Variants in RBFOX1 observed in about 807,000 individuals in gnomAD.
RBFOX1 encodes RNA binding protein fox-1 homolog 1.
RBFOX1 carries 8 observed loss-of-function variants against 57.7 expected under a neutral mutation model. That is an observed-to-expected ratio of 0.14 (90% confidence interval 0.08 to 0.25). The LOEUF (loss-of-function observed/expected upper bound fraction) is 0.25, where lower values mean the gene tolerates loss of function less well. RBFOX1 is among the 10% of genes least tolerant of loss of function. RBFOX1 has a pLI of 1.00. For missense variants in RBFOX1, 611 were observed against 548.5 expected, an observed-to-expected ratio of 1.11 and a Z score of -1.14; for synonymous variants, 326 against 222.4, an observed-to-expected ratio of 1.47 and a Z score of -4.15.
intron 3 of RBFOX1, among the ~76,000 whole-genome samples, chr16:7,027,016 C>T (rs116295224): frequency 0.018 from 2,785 of 152,224 alleles, 79 homozygotes; most frequent in African/African-American, 0.059. Flanking sequence ...GCTGCAGCCA[C>T]AGCCCACACA....
intron 1 of RBFOX1, among the ~76,000 whole-genome samples, chr16:5,346,341 T>A (rs2065138754): frequency 6.6e-6 from 1 of 152,118 alleles, no homozygotes; most frequent in Non-Finnish European, 1.5e-5. Flanking sequence ...AATGTCACAT[T>A]TAAATCATCA....
chr16:7,055,371 A>C (rs1252338802), intron 4 of RBFOX1, among the ~76,000 whole-genome samples: 1 of 152,150 alleles, frequency 6.6e-6, no homozygotes, highest in Non-Finnish European at 1.5e-5. Flanking sequence ...TACAAAAATA[A>C]ATAACTCTCC....
chr16:5,673,522 C>T (rs74004473), intron 3 of RBFOX1, among the ~76,000 whole-genome samples: 4,540 of 152,320 alleles, frequency 0.03, 244 homozygotes, highest in African/African-American at 0.1. Flanking sequence ...TCTCGCTTGG[C>T]ACCTAAAGGT....
chr16:5,942,441 A>G, intron 4 of RBFOX1, among the ~76,000 whole-genome samples: 1 of 152,214 alleles, frequency 6.6e-6, no homozygotes, highest in Non-Finnish European at 1.5e-5. Context: ...CAAAACTCTG[A>G]AAAGATATCT....
At chr16:6,651,086 G>A (rs763357505) in intron 2 of RBFOX1, among the ~76,000 whole-genome samples, 1 of 152,158 alleles carries the variant, frequency 6.6e-6, no homozygotes, top group African/African-American at 2.4e-5. Context: ...ATGTTTAGTG[G>A]AGATGGAGTT....
intron 1 of RBFOX1, among the ~76,000 whole-genome samples, chr16:6,261,250 A>T (rs1363754738): frequency 6.6e-6 from 1 of 152,214 alleles, no homozygotes; most frequent in East Asian, 1.9e-4. Flanking sequence ...AAAAGCAGAA[A>T]AGTCCTGGCA....
intron 1 of RBFOX1, among the ~76,000 whole-genome samples, chr16:6,098,656 G>C (rs995739781): frequency 1.3e-5 from 2 of 152,222 alleles, no homozygotes; most frequent in Non-Finnish European, 2.9e-5. Flanking sequence ...TGCCTTCAGA[G>C]TTTATACATT....
intron 4 of RBFOX1, among the ~76,000 whole-genome samples, chr16:7,164,647 A>C (rs1567530647): frequency 6.6e-6 from 1 of 152,188 alleles, no homozygotes; most frequent in Non-Finnish European, 1.5e-5. Context: ...CACACACACA[A>C]ATACAAACAC....
intron 3 of RBFOX1, among the ~76,000 whole-genome samples, chr16:6,697,521 T>A (rs932491881): frequency 1.3e-5 from 2 of 152,200 alleles, no homozygotes; most frequent in African/African-American, 4.8e-5. Context: ...CTTATAAATC[T>A]GCTTTCCATT....
intron 4 of RBFOX1, among the ~76,000 whole-genome samples, chr16:5,955,283 C>CAATAA (rs1168606127): frequency 4.5e-5 from 5 of 111,592 alleles, no homozygotes; most frequent in African/African-American, 1.5e-4. Context: ...CTCTGTCTCC[C>CAATAA]AATAAAATAA....
At chr16:5,255,322 T>TTCCA (rs3041858) in intron 1 of RBFOX1, among the ~76,000 whole-genome samples, 41,314 of 119,252 alleles carry the variant, frequency 0.35, 6,533 homozygotes, top group South Asian at 0.5. Flanking sequence ...CCACACTTCC[T>TTCCA]TCCATCCATC....
At chr16:7,658,261 A>G (rs2066817779) in intron 12 of RBFOX1, among the ~76,000 whole-genome samples, 1 of 152,016 alleles carries the variant, frequency 6.6e-6, no homozygotes, top group African/African-American at 2.4e-5. Flanking sequence ...TCTATGCATT[A>G]TTTATCTTTG....
intron 4 of RBFOX1, among the ~76,000 whole-genome samples, chr16:7,369,886 G>A (rs1596640115): frequency 6.6e-6 from 1 of 152,170 alleles, no homozygotes; most frequent in Non-Finnish European, 1.5e-5. Flanking sequence ...AAACAGCAAG[G>A]CTTATCCCCA....
At chr16:7,461,153 A>G (rs566482046) in intron 4 of RBFOX1, among the ~76,000 whole-genome samples, 23 of 152,032 alleles carry the variant, frequency 1.5e-4, no homozygotes, top group African/African-American at 5.5e-4. Context: ...TTGACTGAGG[A>G]TGAAAAAACA....
intron 4 of RBFOX1, among the ~76,000 whole-genome samples, chr16:7,174,831 C>T (rs1055827145): frequency 2.0e-5 from 3 of 152,102 alleles, no homozygotes; most frequent in East Asian, 1.9e-4. Context: ...TTTTCCAAAG[C>T]GGTTGCGTTA....
intron 2 of RBFOX1, among the ~76,000 whole-genome samples, chr16:6,330,346 C>T (rs913187218): frequency 1.3e-5 from 2 of 152,194 alleles, no homozygotes; most frequent in African/African-American, 4.8e-5. Flanking sequence ...GGTTTCACAC[C>T]TGCACAAAGG....
intron 2 of RBFOX1, among the ~76,000 whole-genome samples, chr16:5,540,574 G>T (rs1038893388): frequency 2.0e-4 from 31 of 152,118 alleles, no homozygotes; most frequent in African/African-American, 7.5e-4. Flanking sequence ...GATCTTTAGT[G>T]GTATTTCTCA....
At chr16:5,508,107 A>G (rs2043441922) in intron 2 of RBFOX1, among the ~76,000 whole-genome samples, 1 of 152,212 alleles carries the variant, frequency 6.6e-6, no homozygotes, top group Non-Finnish European at 1.5e-5. Context: ...GCTATGGAAC[A>G]ATAGTATGCA....
chr16:5,917,399 G>A (rs947420316), intron 4 of RBFOX1, among the ~76,000 whole-genome samples: 4 of 152,182 alleles, frequency 2.6e-5, no homozygotes, highest in African/African-American at 9.7e-5. Context: ...AAGAGATTTG[G>A]TGCTTTCAGA....
Sources: allele counts gnomAD v4.1 joint callset (sites outside exome capture counted in the v4.1 genomes callset), GRCh38; gene constraint gnomAD v4.1.1; transcripts MANE v1.5; gene names NCBI Gene and HGNC (gene_info 2026-07-23, HGNC 2026-07-21).